The following RB1CC1 variants were observed in gnomAD, a reference collection of about 807,000 sequenced individuals.
RB1CC1 encodes the protein RB1 inducible coiled-coil 1.
RB1CC1 carries 46 observed loss-of-function variants against 177.5 expected under a neutral mutation model. The observed-to-expected ratio is 0.26, with a 90% CI of 0.20 to 0.33. The LOEUF (loss-of-function observed/expected upper bound fraction) is 0.33, where lower values mean the gene tolerates loss of function less well. Ranked by LOEUF, RB1CC1 falls within the 10% of genes least tolerant of loss-of-function variation. The pLI is 1.00. For missense variants in RB1CC1, 1,703 were observed against 1,816.3 expected (o/e 0.94, Z 1.13); for synonymous variants, 666 against 613.6 (o/e 1.09, Z -1.26).
At chr8:52,712,699 G>A (rs767471421) in intron 1 of RB1CC1, among the ~76,000 whole-genome samples, 1 of 152,096 alleles carries the variant, frequency 6.6e-6, no homozygotes, top group Non-Finnish European at 1.5e-5. Flanking sequence ...GTTTCTCAAC[G>A]TAAGCATTAT....
intron 1 of RB1CC1, among the ~76,000 whole-genome samples, chr8:52,691,245 C>T (rs917119464): frequency 3.9e-5 from 6 of 152,202 alleles, no homozygotes; most frequent in East Asian, 1.9e-4. Flanking sequence ...AGAGTATAGA[C>T]GACCTCAGTT....
chr8:52,706,262 T>G (rs959043845), intron 1 of RB1CC1, among the ~76,000 whole-genome samples: 2 of 151,932 alleles, frequency 1.3e-5, no homozygotes, highest in African/African-American at 4.8e-5. Context: ...CTTCCCTATT[T>G]CAGTCCCAAT....
chr8:52,694,403 C>T (rs1344784953), intron 1 of RB1CC1, among the ~76,000 whole-genome samples: 3 of 152,166 alleles, frequency 2.0e-5, no homozygotes, highest in Non-Finnish European at 2.9e-5. Flanking sequence ...GAGACAGTCT[C>T]GAACTGATGC....
At chr8:52,681,648 A>T (rs1159485894) in intron 5 of RB1CC1, among the ~76,000 whole-genome samples, 1 of 152,218 alleles carries the variant, frequency 6.6e-6, no homozygotes, top group Non-Finnish European at 1.5e-5. Flanking sequence ...ATCTGAAAAG[A>T]GGCCAGGTAT....
At chr8:52,697,548 G>GTTT (rs1855545966) in intron 1 of RB1CC1, among the ~76,000 whole-genome samples, 1 of 152,162 alleles carries the variant, frequency 6.6e-6, no homozygotes, top group African/African-American at 2.4e-5. Flanking sequence ...AAATTAGTGT[G>GTTT]TAAAATGATG....
intron 7 of RB1CC1, among the ~76,000 whole-genome samples, chr8:52,670,038 C>G (rs1852422033): frequency 6.6e-6 from 1 of 152,200 alleles, no homozygotes; most frequent in Admixed American, 6.5e-5. Flanking sequence ...ACTACAGGCT[C>G]AAGCGATCCT....
intron 15 of RB1CC1, among the ~76,000 whole-genome samples, chr8:52,651,362 T>G (rs1442932347): frequency 1.3e-5 from 2 of 152,268 alleles, no homozygotes; most frequent in East Asian, 3.8e-4. Context: ...TTCATTTATA[T>G]AGTCTCACTG....
Position 52,676,451 on chromosome 8 carries a change from A to G in RB1CC1, c.490T>C (p.Tyr164His), listed in dbSNP as rs1198515401. 6.2e-7 allele frequency: 1 copy of G among 1,613,378 alleles called. No homozygotes were observed. The highest frequency in any genetic ancestry group is 1.7e-5 in the Admixed American group (1 of 59,942). The change falls in exon 6 of 24, where the codon TAC (tyrosine) becomes CAC (histidine). Residue 164 changes from tyrosine (Y) to histidine (H), a missense_variant. Tyr to His is a moderately conservative substitution (Grantham distance 83). Around this residue, in one of 6 missense-constraint regions of RB1CC1, gnomAD observed 315 missense variants for 304.9 expected, o/e 1.03. Transcript: ENST00000025008. Reference protein sequence around the residue: ...MANLEDCSNSYQKLLFKFESI... With the variant: ...MANLEDCSNSHQKLLFKFESI... The stretch of plus-strand genomic sequence containing the variant: ...TCAAACTTGAAAAGTAGCTTTTGGT[A>G]TGAATTTGAACAGTCCTCCAGGTTG...
At chr8:52,650,961 T>C (rs1850523347) in intron 15 of RB1CC1, among the ~76,000 whole-genome samples, 1 of 152,136 alleles carries the variant, frequency 6.6e-6, no homozygotes, top group African/African-American at 2.4e-5. Flanking sequence ...TTCAACAACC[T>C]CTCCCACCAT....
At position 52,673,884 on chromosome 8, in the gene RB1CC1, C is replaced by G; in HGVS notation, c.963G>C (p.Val321=). The G allele has an allele frequency of 1.2e-6, 2 of 1,612,602 alleles. No individual in the cohort carries two copies. Among genetic ancestry groups the G allele is most frequent in the South Asian group, 1.1e-5 (1 of 91,014 alleles). ...WINVQDRPND[V]ESLVRKCFDS... Reference sequence around the variant, plus strand: ...CAAAGCACTTCCTGACCAAAGATTCCACATCATTAGGTCTATCTTGAACAT... The same window carrying G: ...CAAAGCACTTCCTGACCAAAGATTCGACATCATTAGGTCTATCTTGAACAT... Residue 321 remains valine, a synonymous_variant, in exon 7 of 24, where the codon GTG becomes GTC. Coordinates refer to ENST00000025008, the MANE Select transcript of RB1CC1 (RefSeq NM_014781.5).
intron 1 of RB1CC1, among the ~76,000 whole-genome samples, chr8:52,709,341 TCTATCCAAC>T (rs1228464183): frequency 6.6e-5 from 10 of 152,226 alleles, no homozygotes; most frequent in African/African-American, 2.4e-4. Flanking sequence ...CTCATTAAAA[TCTATCCAAC>T]TTATCAAGTG....
chr8:52,652,644 G>A (rs1191250527), intron 15 of RB1CC1, among the ~76,000 whole-genome samples: 1 of 152,128 alleles, frequency 6.6e-6, no homozygotes, highest in African/African-American at 2.4e-5. Context: ...AAGTTAGAGA[G>A]CCACTGTTCT....
Position 52,630,517 on chromosome 8 carries a change from G to C in RB1CC1, c.4452C>G (p.Ser1484Arg). The part of the protein sequence containing the change: ...KRLNQRLMSQ[S>R]MSSVSSRHSE... ...AATGCCTTGAAGATACTGAAGACAT[G>C]CTCTGAGACATCTAAAAAAAAAAAA... Residue 1484 changes from serine (S) to arginine (R), a missense_variant, in exon 21 of 24, where the codon AGC (serine) becomes AGG (arginine). Physicochemically the swap from Ser to Arg is moderately radical, Grantham distance 110. Transcript: ENST00000025008. 1 of 1,564,960 alleles carries C rather than the reference G, an allele frequency of 6.4e-7. No individual in the cohort carries two copies. The highest frequency in any genetic ancestry group is 2.3e-5 in the East Asian group (1 of 43,092).
At chr8:52,689,136 C>A (rs1854576994) in intron 1 of RB1CC1, among the ~76,000 whole-genome samples, 1 of 152,028 alleles carries the variant, frequency 6.6e-6, no homozygotes, top group South Asian at 2.1e-4. Flanking sequence ...AAATCAATCT[C>A]CTATATGCAT....
At chr8:52,683,518 C>T (rs1012948935) in intron 5 of RB1CC1, 31 bp downstream of exon 5, 2 of 1,502,510 alleles carry the variant, frequency 1.3e-6, no homozygotes, top group Non-Finnish European at 1.8e-6. Flanking sequence ...CTTTTAGAAA[C>T]AATCAGTTAA....
chr8:52,685,391 C>T lies in RB1CC1; in HGVS notation c.71+8G>A, dbSNP rs199530928. The T allele has an allele frequency of 2.7e-4, 421 of 1,568,122 alleles. 1 individual carries two copies. The African/African-American group carries it at 5.3e-3, about 20-fold the overall frequency. ...ATGCGAAAAAAAAATAAATGAAATA[C>T]AACTCACGTTTGCACTGTAAGTTCA... is the stretch of plus-strand genomic sequence containing the variant. On this transcript the variant is annotated splice_region_variant and intron_variant, in intron 3 of 23. Coordinates refer to ENST00000025008, the MANE Select transcript of RB1CC1 (RefSeq NM_014781.5).
At position 52,706,750 on chromosome 8, in the gene RB1CC1, A is replaced by G. The variant is rs566488547; in HGVS notation, c.-167+7325T>C. Among the ~76,000 whole-genome samples the G allele has an allele frequency of 2.9e-3, 445 of 150,994 alleles. 1 individual carries two copies. Among genetic ancestry groups the G allele is most frequent in the Middle Eastern group, 0.014 (4 of 292 alleles). On this transcript the variant is annotated intron_variant, in intron 1 of 23. Coordinates refer to ENST00000025008, the MANE Select transcript of RB1CC1 (RefSeq NM_014781.5). ...CCCTCTGTTTCAAAAAAAAAAAAAA[A>G]AGAGAGAGAGAGATTCTCTCTCCTC...
At chr8:52,650,518 T>C (rs1850474581) in intron 15 of RB1CC1, among the ~76,000 whole-genome samples, 1 of 152,224 alleles carries the variant, frequency 6.6e-6, no homozygotes, top group South Asian at 2.1e-4. Flanking sequence ...ACCAGATTAC[T>C]ATCCAGTCTC....
chr8:52,684,144 T>TA, intron 3 of RB1CC1, 131 bp from the exon 4 acceptor site: 4 of 1,052,380 alleles, frequency 3.8e-6, no homozygotes, highest in Non-Finnish European at 5.2e-6. Flanking sequence ...AAAACAGTAA[T>TA]AAAAATATAA....
Sources: allele counts gnomAD v4.1 joint callset (sites outside exome capture counted in the v4.1 genomes callset), GRCh38; gene constraint gnomAD v4.1.1; regional missense constraint gnomAD v4.1.1; transcripts MANE v1.5; gene names NCBI Gene and HGNC (gene_info 2026-07-23, HGNC 2026-07-21).